Variants in ACO1 observed in about 807,000 individuals in gnomAD.
ACO1 encodes aconitase 1.
ACO1 carries 78 observed loss-of-function variants against 105.1 expected under a neutral mutation model. The observed-to-expected ratio is 0.74, with a 90% confidence interval of 0.62 to 0.90. The LOEUF (loss-of-function observed/expected upper bound fraction) is 0.90, where lower values mean the gene tolerates loss of function less well. Among genes scored for constraint, ACO1 ranks in the 40% least tolerant of loss-of-function variants. The pLI, the probability that ACO1 is intolerant of heterozygous loss-of-function variation, is 0.00. For missense variants in ACO1, 965 were observed against 1,111.1 expected, an observed-to-expected ratio of 0.87 and a Z score of 1.87; for synonymous variants, 364 against 397.4, an observed-to-expected ratio of 0.92 and a Z score of 1.00.
intron 15 of ACO1, among the ~76,000 whole-genome samples, chr9:32,432,870 AGATGTC>A (rs1822270369): frequency 6.6e-6 from 1 of 152,164 alleles, no homozygotes; most frequent in Non-Finnish European, 1.5e-5. Flanking sequence ...GGTTCCAGTA[AGATGTC>A]ATCTGGGGCT....
intron 1 of ACO1, among the ~76,000 whole-genome samples, chr9:32,390,153 A>G (rs1189739136): frequency 1.3e-5 from 2 of 152,172 alleles, no homozygotes; most frequent in African/African-American, 2.4e-5. Context: ...AAGAGTTGGC[A>G]TCTTCATTTG....
chr9:32,420,965 A>G lies in ACO1; in HGVS notation c.908A>G (p.Tyr303Cys), dbSNP rs771711524. ...ACGATTGCTAACATGTGTCCAGAGTACGGAGCAACTGCTGCCTTTTTCCCA... is the reference window on the plus strand; with the variant it reads ...ACGATTGCTAACATGTGTCCAGAGTGCGGAGCAACTGCTGCCTTTTTCCCA... ...RATIANMCPE[Y>C]GATAAFFPVD... The change falls in exon 8 of 21, where the codon TAC becomes TGC. Residue 303 changes from tyrosine (Y) to cysteine (C), a missense_variant. Physicochemically the swap from Tyr to Cys is radical, Grantham distance 194. Coordinates refer to ENST00000309951, the MANE Select transcript of ACO1 (RefSeq NM_002197.3). 1 of 1,614,162 alleles carries G rather than the reference A, an allele frequency of 6.2e-7. No homozygotes were observed. The highest frequency in any genetic ancestry group is 1.1e-5 in the South Asian group (1 of 91,076).
intron 18 of ACO1, among the ~76,000 whole-genome samples, chr9:32,438,807 T>C (rs946307284): frequency 6.6e-6 from 1 of 152,072 alleles, no homozygotes; most frequent in African/African-American, 2.4e-5. Context: ...AAAATAACTA[T>C]ATTGGGAGGT....
At chr9:32,412,135 C>T (rs994621277) in intron 4 of ACO1, among the ~76,000 whole-genome samples, 1 of 152,086 alleles carries the variant, frequency 6.6e-6, no homozygotes, top group Admixed American at 6.5e-5. Context: ...AAATGTCCAA[C>T]AAAAAATGCT....
At chr9:32,431,909 G>C in intron 15 of ACO1, 66 bp downstream of exon 15, 1 of 1,584,832 alleles carries the variant, frequency 6.3e-7, no homozygotes, top group South Asian at 1.1e-5. Flanking sequence ...TTTGTGTCCT[G>C]TCTGCAGACC....
chr9:32,446,040 A>G (rs1177525326), intron 19 of ACO1, among the ~76,000 whole-genome samples: 1 of 152,176 alleles, frequency 6.6e-6, no homozygotes, highest in East Asian at 1.9e-4. Context: ...TTATGTGGTC[A>G]GTGTTAGAAA....
intron 1 of ACO1, among the ~76,000 whole-genome samples, chr9:32,395,157 C>T (rs1821346403): frequency 6.6e-6 from 1 of 152,140 alleles, no homozygotes; most frequent in Non-Finnish European, 1.5e-5. Flanking sequence ...CAGCTGTCTT[C>T]ACCCACTACT....
chr9:32,429,546 T>C lies in ACO1; in HGVS notation c.1569+43T>C, dbSNP rs1163767265. The C allele has an allele frequency of 2.6e-6, 4 of 1,540,174 alleles. No homozygotes were observed. The Admixed American group carries it at 6.9e-5, about 27-fold the overall frequency. ...TGCAGGTCTTCAGAGCAGTTGTTTC[T>C]TTTCATGTAATGTGACAAAAATGCT... On this transcript the variant is annotated intron_variant, in intron 13 of 20. Transcript: ENST00000309951.
At chr9:32,387,448 T>C (rs1821178100) in intron 1 of ACO1, among the ~76,000 whole-genome samples, 1 of 152,210 alleles carries the variant, frequency 6.6e-6, no homozygotes, top group African/African-American at 2.4e-5. Context: ...GAGCTTTTTT[T>C]TCCTCTTGGA....
chr9:32,427,541 A>T, intron 12 of ACO1, 105 bp downstream of exon 12: 1 of 1,457,054 alleles, frequency 6.9e-7, no homozygotes, highest in Non-Finnish European at 9.5e-7. Context: ...GATGATATCT[A>T]ATTGCATAGT....
In ACO1 at chr9:32,452,334, G is replaced by A. The variant is rs1822786316; in HGVS notation, c.*2223G>A. 1 of 152,188 alleles carries A rather than the reference G, an allele frequency of 6.6e-6. No homozygotes were observed. Among genetic ancestry groups the A allele is most frequent in the African/African-American group, 2.4e-5 (1 of 41,442 alleles). The allele number at this position is 152,188 out of a possible 1,614,324, so 9.4% of individuals were successfully genotyped here. A position where few individuals can be genotyped will look rare whatever the true frequency, so the allele number is the denominator to read the frequency against. On this transcript the variant is annotated 3_prime_UTR_variant, in exon 21 of 21. Transcript: ENST00000309951. ...AATGGTAATAGAAGCTGGGGCCTTT[G>A]GAAGGTGATTAGATCATGAGGGTAG...
chr9:32,396,068 C>T (rs946438764), intron 1 of ACO1, among the ~76,000 whole-genome samples: 61 of 152,120 alleles, frequency 4.0e-4, no homozygotes, highest in Non-Finnish European at 3.1e-4. Context: ...ACACATCTGC[C>T]GAGTGAGTCA....
chr9:32,443,135 C>A (rs1587555510), intron 19 of ACO1, among the ~76,000 whole-genome samples: 1 of 151,870 alleles, frequency 6.6e-6, no homozygotes, highest in South Asian at 2.1e-4. Flanking sequence ...AGTAAATAGA[C>A]AATTACAAAG....
intron 4 of ACO1, among the ~76,000 whole-genome samples, chr9:32,413,732 C>G (rs1821791030): frequency 6.6e-6 from 1 of 152,130 alleles, no homozygotes; most frequent in African/African-American, 2.4e-5. Flanking sequence ...TGTTTGTAAG[C>G]TCTTTGCCTA....
At chr9:32,425,144 T>C (rs1192757636) in intron 10 of ACO1, among the ~76,000 whole-genome samples, 1 of 152,228 alleles carries the variant, frequency 6.6e-6, no homozygotes, top group East Asian at 1.9e-4. Context: ...TCCATATTCT[T>C]TAACTTACAT....
intron 3 of ACO1, 125 bp from the exon 4 acceptor site, chr9:32,408,389 C>T (rs1587523991): frequency 1.8e-6 from 2 of 1,081,370 alleles, no homozygotes; most frequent in East Asian, 4.8e-5. Flanking sequence ...TTCTAAGTCT[C>T]ACCCATTGTT....
At position 32,384,669 on chromosome 9, in the gene ACO1, C is replaced by T. The variant is rs1022980831; in HGVS notation, c.-89C>T. 2 of 404,698 alleles carry T rather than the reference C, an allele frequency of 4.9e-6. No individual in the cohort carries two copies. Among genetic ancestry groups the T allele is most frequent in the African/African-American group, 2.2e-5 (1 of 45,676 alleles). The allele number at this position is 404,698 out of a possible 1,614,324, so 25.1% of individuals were successfully genotyped here. ...AGGCGGCAGCTGGAACCGCGCAGCG[C>T]ACGGGAACGCGTCCCGCTGCTTGGG... On this transcript the variant is annotated 5_prime_UTR_variant, in exon 1 of 21. Transcript: ENST00000309951.
intron 17 of ACO1, 110 bp from the exon 18 acceptor site, chr9:32,436,140 T>C (rs761907090): frequency 4.9e-6 from 7 of 1,417,452 alleles, no homozygotes; most frequent in Non-Finnish European, 6.9e-6. Context: ...CTTAGAGAAA[T>C]AGCCAGGTCT....
intron 12 of ACO1, among the ~76,000 whole-genome samples, chr9:32,427,644 C>T (rs570713082): frequency 7.2e-5 from 11 of 152,222 alleles, no homozygotes; most frequent in African/African-American, 2.2e-4. Flanking sequence ...ATGGAGTTTG[C>T]AGGACTGGAA....
Sources: gnomAD v4.1 joint callset for allele counts (sites outside exome capture counted in the v4.1 genomes callset) on GRCh38, gnomAD v4.1.1 for gene constraint, MANE v1.5 for transcripts, NCBI Gene and HGNC (gene_info 2026-07-23, HGNC 2026-07-21) for gene names.